Variants in KLHL22 observed in about 807,000 individuals in gnomAD.
KLHL22 encodes kelch like family member 22, also known as kelch-like protein 22.
In KLHL22, 18 loss-of-function variants were observed where a neutral mutation model predicts 60.7. The ratio of observed to expected loss-of-function variants is 0.30; its 90% CI spans 0.20 to 0.44. KLHL22 has a LOEUF of 0.44. Among genes scored for constraint, KLHL22 ranks in the 20% least tolerant of loss-of-function variants. The pLI, the probability that KLHL22 is intolerant of heterozygous loss-of-function variation, is 1.00. For missense variants in KLHL22, 596 were observed against 852.3 expected (o/e 0.70, Z 3.74); for synonymous variants, 355 against 354.5 (o/e 1.00, Z -0.01).
At chr22:20,485,271 T>C (rs535857518) in intron 2 of KLHL22, among the ~76,000 whole-genome samples, 2 of 152,252 alleles carry the variant, frequency 1.3e-5, no homozygotes, top group East Asian at 1.9e-4. Flanking sequence ...CTCAGAAGCA[T>C]ACAAGGTTAA....
chr22:20,470,086 C>G (rs62219863), intron 3 of KLHL22, among the ~76,000 whole-genome samples: 1 of 152,086 alleles, frequency 6.6e-6, no homozygotes, highest in African/African-American at 2.4e-5. Flanking sequence ...CACCTGTAAT[C>G]CCAGAACTTT....
intron 4 of KLHL22, among the ~76,000 whole-genome samples, chr22:20,459,813 C>T (rs1432980322): frequency 6.6e-6 from 1 of 152,158 alleles, no homozygotes; most frequent in Non-Finnish European, 1.5e-5. Context: ...AGGTCAGGGC[C>T]CTGCCTTCCC....
At chr22:20,451,374 C>T (rs757060289) in intron 5 of KLHL22, 172 of 1,611,548 alleles carry the variant, frequency 1.1e-4, no homozygotes, top group Middle Eastern at 1.6e-4. Flanking sequence ...GGGAAGGTGC[C>T]GGACTCGTAG....
intron 4 of KLHL22, among the ~76,000 whole-genome samples, chr22:20,460,267 C>T (rs1008897894): frequency 3.3e-5 from 5 of 152,170 alleles, no homozygotes; most frequent in Admixed American, 1.3e-4. Flanking sequence ...CTATTGTCCT[C>T]ACAGCTTTTT....
chr22:20,485,133 GTCTTT>G (rs1397094295), intron 2 of KLHL22, among the ~76,000 whole-genome samples: 9 of 152,140 alleles, frequency 5.9e-5, no homozygotes, highest in African/African-American at 2.2e-4. Flanking sequence ...CAGCTAAGCA[GTCTTT>G]TATAATTCAC....
chr22:20,464,211 C>T (rs1569131850), intron 4 of KLHL22, among the ~76,000 whole-genome samples: 1 of 150,156 alleles, frequency 6.7e-6, no homozygotes, highest in Non-Finnish European at 1.5e-5. Context: ...GTCCACAAAA[C>T]TCTCTCTTGG....
chr22:20,486,120 T>TCA (rs2053582742), intron 2 of KLHL22, among the ~76,000 whole-genome samples: 1 of 134,216 alleles, frequency 7.5e-6, no homozygotes, highest in South Asian at 2.3e-4. Flanking sequence ...TGAGCCGAGA[T>TCA]CACACCACTG....
Position 20,444,052 on chromosome 22 carries a change from T to TAA in KLHL22, c.1540-1616_1540-1615dup, listed in dbSNP as rs756923432. ...GGTGACAAAGCAAGACTCCATCTCA[T>TAA]AAAAAAAAAAAAAAGAAAAAAAGGA... is the stretch of plus-strand genomic sequence containing the variant. On this transcript the variant is annotated intron_variant, in intron 6 of 6. Transcript: ENST00000328879. Among the ~76,000 whole-genome samples, 23 of 36,682 alleles carry TAA rather than the reference T, an allele frequency of 6.3e-4. 4 individuals carry two copies. Among genetic ancestry groups the TAA allele is most frequent in the Admixed American group, 1.5e-3 (5 of 3,340 alleles). The allele number at this position is 36,682 out of a possible 152,430, so 24.1% of individuals were successfully genotyped here.
Position 20,465,880 on chromosome 22 carries a change from A to G in KLHL22, c.394-304T>C, listed in dbSNP as rs1231981267. ...GCCCAGAATGGAGTGCAGTGGCAGA[A>G]TCTCGGCTCACTAACACCTCCCCCT... On this transcript the variant is annotated intron_variant, in intron 3 of 6. Coordinates refer to ENST00000328879, the MANE Select transcript of KLHL22 (RefSeq NM_032775.4). This position sits in a 1 kb window ranked among gnomAD's most constrained non-coding sequence, Gnocchi z 4.9. Among the ~76,000 whole-genome samples, 1 of 152,044 alleles carries G rather than the reference A, an allele frequency of 6.6e-6. No individual in the cohort carries two copies. The highest frequency in any genetic ancestry group is 6.6e-5 in the Admixed American group (1 of 15,264).
chr22:20,463,181 C>T (rs1232021975), intron 4 of KLHL22, among the ~76,000 whole-genome samples: 8 of 152,210 alleles, frequency 5.3e-5, no homozygotes, highest in African/African-American at 1.9e-4. Context: ...CCTGCCACCT[C>T]CACTCTGTGG....
In KLHL22 at chr22:20,465,442, G is replaced by C; in HGVS notation, c.528C>G (p.Leu176=). The C allele has an allele frequency of 1.2e-6, 2 of 1,614,156 alleles. No individual in the cohort carries two copies. The highest frequency in any genetic ancestry group is 1.7e-6 in the Non-Finnish European group (2 of 1,179,962). ...TCCGAGAGAAGGCCACAAAGTTTTT[G>C]AGGATATAGGTGTCCAGTTGCTCAG... ...RLTEQLDTYI[L]KNFVAFSRTD... is the part of the protein sequence containing the mutation. Residue 176 remains leucine (L), a synonymous_variant, in exon 4 of 7, where the codon CTC becomes CTG. Transcript: ENST00000328879. This position sits in a 1 kb window ranked among gnomAD's most constrained non-coding sequence, Gnocchi z 4.9.
Position 20,441,800 on chromosome 22 carries a change from G to T in KLHL22, c.*273C>A. 2 of 358,894 alleles carry T rather than the reference G, an allele frequency of 5.6e-6. No homozygotes were observed. The highest frequency in any genetic ancestry group is 1.0e-5 in the Non-Finnish European group (2 of 199,094). 22.2% of individuals were successfully genotyped at this position (358,894 alleles called of 1,614,324 possible). ...ACTGATCTAGGCAGGGAGGAGAGAA[G>T]GCCAACCCCTCCAGGGCTCACTGAG... On this transcript the variant is annotated 3_prime_UTR_variant, in exon 7 of 7. Transcript: ENST00000328879.
intron 5 of KLHL22, chr22:20,451,527 G>C (rs1733579860): frequency 6.3e-7 from 1 of 1,597,098 alleles, no homozygotes; most frequent in Non-Finnish European, 8.6e-7. Flanking sequence ...GAGTAGCCCT[G>C]CTGAATGACC....
chr22:20,492,151 C>A (rs2053701857), intron 1 of KLHL22: 1 of 152,244 alleles, frequency 6.6e-6, no homozygotes, highest in South Asian at 2.1e-4. Context: ...TAGCTAGTAG[C>A]CCTCCAACTT....
intron 4 of KLHL22, among the ~76,000 whole-genome samples, chr22:20,464,366 G>A (rs1197331923): frequency 1.3e-5 from 2 of 152,236 alleles, no homozygotes; most frequent in African/African-American, 2.4e-5. Flanking sequence ...AGGCACAGCA[G>A]CAGGAAGCCT....
intron 4 of KLHL22, among the ~76,000 whole-genome samples, chr22:20,463,150 A>T (rs748965700): frequency 1.6e-4 from 24 of 152,198 alleles, no homozygotes; most frequent in Admixed American, 3.3e-4. Context: ...CCCTGGGTTA[A>T]CCAGTAGGGC....
chr22:20,463,114 G>A (rs2146212463), intron 4 of KLHL22, among the ~76,000 whole-genome samples: 1 of 152,304 alleles, frequency 6.6e-6, no homozygotes, highest in African/African-American at 2.4e-5. Flanking sequence ...GGTTAATGAT[G>A]CCTTCATTCT....
intron 4 of KLHL22, among the ~76,000 whole-genome samples, chr22:20,462,264 G>A (rs1251728321): frequency 2.3e-4 from 27 of 116,470 alleles, no homozygotes; most frequent in African/African-American, 8.9e-4. Context: ...GCGACAGAAC[G>A]AGACTCTGTC....
At chr22:20,450,092 C>T in intron 5 of KLHL22, 1 of 760,618 alleles carries the variant, frequency 1.3e-6, no homozygotes, top group Non-Finnish European at 2.4e-6. Context: ...AATCCAAGGA[C>T]CTATTTTTGT....
Sources: allele counts gnomAD v4.1 joint callset (sites outside exome capture counted in the v4.1 genomes callset), GRCh38; gene constraint gnomAD v4.1.1; non-coding constraint Gnocchi (gnomAD v3.1); transcripts MANE v1.5; gene names NCBI Gene and HGNC (gene_info 2026-07-23, HGNC 2026-07-21).